The following GRIA2 variants were observed in gnomAD, a reference collection of about 807,000 sequenced individuals.
The protein encoded by GRIA2 is glutamate receptor 2.
Under a neutral mutation model 97.3 loss-of-function variants are expected in GRIA2, and 14 were observed. The ratio of observed to expected loss-of-function variants is 0.14; its 90% CI spans 0.10 to 0.23. GRIA2 has a LOEUF of 0.23. Among genes scored for constraint, GRIA2 ranks in the 10% least tolerant of loss-of-function variants. GRIA2 has a pLI of 1.00. For synonymous variants in GRIA2, 412 were observed against 387.8 expected (o/e 1.06, Z -0.73); for missense variants, 558 against 1,069.8 (o/e 0.52, Z 6.67).
intron 14 of GRIA2, chr4:157,362,531 G>A: frequency 1.8e-6 from 1 of 565,040 alleles, no homozygotes; most frequent in Middle Eastern, 2.7e-4. Flanking sequence ...AACTGACATA[G>A]CCAGGGAAAT....
chr4:157,307,564 A>G (rs1733896949), intron 3 of GRIA2, among the ~76,000 whole-genome samples: 2 of 152,202 alleles, frequency 1.3e-5, no homozygotes, highest in Non-Finnish European at 2.9e-5. Context: ...GAGAAATTCA[A>G]CACATTTTTA....
chr4:157,287,389 T>C (rs1442453559), intron 2 of GRIA2, among the ~76,000 whole-genome samples: 1 of 151,686 alleles, frequency 6.6e-6, no homozygotes, highest in Non-Finnish European at 1.5e-5. Context: ...GTCTCATTAT[T>C]TTGTGTGTGG....
At chr4:157,309,416 AC>A (rs1210607873) in intron 3 of GRIA2, among the ~76,000 whole-genome samples, 2 of 140,134 alleles carry the variant, frequency 1.4e-5, no homozygotes, top group Non-Finnish European at 3.0e-5. Flanking sequence ...CAGTGGCGTG[AC>A]CTCGGCTCAC....
intron 4 of GRIA2, among the ~76,000 whole-genome samples, chr4:157,315,810 A>C (rs1734293276): frequency 6.6e-6 from 1 of 152,162 alleles, no homozygotes; most frequent in African/African-American, 2.4e-5. Flanking sequence ...AAGTGCTGGG[A>C]TTACAGGCGT....
chr4:157,304,265 T>C (rs1372653859), intron 3 of GRIA2, among the ~76,000 whole-genome samples: 1 of 152,164 alleles, frequency 6.6e-6, no homozygotes, highest in Non-Finnish European at 1.5e-5. Flanking sequence ...AAGTTAAAGG[T>C]TTTTCTCAGG....
intron 2 of GRIA2, among the ~76,000 whole-genome samples, chr4:157,232,212 G>A (rs79313874): frequency 0.05 from 7,581 of 152,268 alleles, 322 homozygotes; most frequent in African/African-American, 0.11. Context: ...TTAAGGGGCT[G>A]CCTGTGTTCA....
At chr4:157,357,512 G>C (rs931730787) in intron 12 of GRIA2, among the ~76,000 whole-genome samples, 2 of 152,030 alleles carry the variant, frequency 1.3e-5, no homozygotes, top group African/African-American at 2.4e-5. Context: ...GTCTGATTCA[G>C]TATCATCAAT....
In GRIA2 at chr4:157,294,404, GT is replaced by G. The variant is rs1342107119; in HGVS notation, c.230-9142del. ...ATTAAGATCAGACAAGAGATTGCAGGTTTTTTAGGCATTAAGACCAATGGTG... is the reference window on the plus strand; with the variant it reads ...ATTAAGATCAGACAAGAGATTGCAGGTTTTTAGGCATTAAGACCAATGGTG... On this transcript the variant is annotated intron_variant, in intron 2 of 15. Coordinates refer to ENST00000264426, the MANE Select transcript of GRIA2 (RefSeq NM_001083619.3). Among the ~76,000 whole-genome samples the G allele has an allele frequency of 2.0e-5, 3 of 151,302 alleles. No homozygotes were observed. In the East Asian group the frequency reaches 5.9e-4, roughly 30 times the overall value.
At chr4:157,229,573 A>T (rs1439542658) in intron 2 of GRIA2, among the ~76,000 whole-genome samples, 1 of 152,232 alleles carries the variant, frequency 6.6e-6, no homozygotes, top group African/African-American at 2.4e-5. Flanking sequence ...TTTCTCAAAC[A>T]AATGACATAT....
intron 2 of GRIA2, among the ~76,000 whole-genome samples, chr4:157,259,303 G>A (rs1312393603): frequency 6.6e-6 from 1 of 152,064 alleles, no homozygotes; most frequent in Non-Finnish European, 1.5e-5. Context: ...ATAAATTATG[G>A]AGCTTCAAAA....
chr4:157,238,584 C>T (rs1398501222), intron 2 of GRIA2, among the ~76,000 whole-genome samples: 2 of 152,064 alleles, frequency 1.3e-5, no homozygotes, highest in Non-Finnish European at 2.9e-5. Flanking sequence ...TTCATAGCTT[C>T]ATAATATTCA....
chr4:157,250,580 T>C (rs1042656248), intron 2 of GRIA2, among the ~76,000 whole-genome samples: 1 of 152,110 alleles, frequency 6.6e-6, no homozygotes, highest in African/African-American at 2.4e-5. Context: ...TGGGGCTACC[T>C]ACTTTTAAAG....
chr4:157,307,481 C>T (rs968458101), intron 3 of GRIA2, among the ~76,000 whole-genome samples: 1 of 152,158 alleles, frequency 6.6e-6, no homozygotes, highest in African/African-American at 2.4e-5. Context: ...GTGTCTTCTC[C>T]TTACCCAGGC....
chr4:157,336,350 T>C (rs368013733), intron 10 of GRIA2, 27 bp from the exon 11 acceptor site: 6 of 1,507,646 alleles, frequency 4.0e-6, no homozygotes, highest in African/African-American at 1.4e-5. Flanking sequence ...CTCCAGGTAC[T>C]ATTACTTTCC....
rs1735139308 is a variant in GRIA2, at chr4:157,333,310, A to G, written c.1112A>G (p.Tyr371Cys). 6.2e-7 allele frequency: 1 copy of G among 1,603,656 alleles called. No individual in the cohort carries two copies. The highest frequency in any genetic ancestry group is 8.5e-7 in the Non-Finnish European group (1 of 1,172,642). The change falls in exon 8 of 16, where the codon TAT (tyrosine) becomes TGT (cysteine). Residue 371 changes from tyrosine to cysteine, a missense_variant. Transcript: ENST00000264426. ...GACCAGAATGGAAAAAGAATAAACT[A>G]TACAATTAACATCATGGAGCTCAAA... ...KFDQNGKRIN[Y>C]TINIMELKTN... is the part of the protein sequence containing the mutation.
intron 2 of GRIA2, among the ~76,000 whole-genome samples, chr4:157,261,914 T>A (rs1731553356): frequency 6.6e-6 from 1 of 152,064 alleles, no homozygotes; most frequent in Non-Finnish European, 1.5e-5. Flanking sequence ...ACCTAGGATT[T>A]TATAGGAGTT....
chr4:157,362,713 C>A, intron 14 of GRIA2, 86 bp from the exon 15 acceptor site: 2 of 1,127,302 alleles, frequency 1.8e-6, no homozygotes, highest in South Asian at 1.5e-5. Flanking sequence ...CTAGGTTGTT[C>A]CCGTGATAAT....
chr4:157,303,294 T>G (rs1733695277), intron 2 of GRIA2, among the ~76,000 whole-genome samples: 1 of 152,222 alleles, frequency 6.6e-6, no homozygotes, highest in Non-Finnish European at 1.5e-5. Flanking sequence ...ATGTTAATAC[T>G]TACATAGCTT....
chr4:157,272,464 C>A (rs949510504), intron 2 of GRIA2, among the ~76,000 whole-genome samples: 6 of 151,926 alleles, frequency 3.9e-5, no homozygotes, highest in Admixed American at 2.0e-4. Flanking sequence ...AGTAGGAAAA[C>A]CTGGACTGTA....
Sources: allele counts gnomAD v4.1 joint callset (sites outside exome capture counted in the v4.1 genomes callset), GRCh38; gene constraint gnomAD v4.1.1; transcripts MANE v1.5; gene names NCBI Gene and HGNC (gene_info 2026-07-23, HGNC 2026-07-21).